Variants in ARRB2 observed in about 807,000 individuals in gnomAD.
The protein encoded by ARRB2 is arrestin beta 2.
In ARRB2, 21 loss-of-function variants were observed where a neutral mutation model predicts 53.4. The ratio of observed to expected loss-of-function variants is 0.39; its 90% CI spans 0.28 to 0.57. The LOEUF (loss-of-function observed/expected upper bound fraction) is 0.57. ARRB2 is among the 20% of genes least tolerant of loss of function. ARRB2 has a pLI of 0.55. For missense variants in ARRB2, 369 were observed against 527.5 expected (o/e 0.70, Z 2.94); for synonymous variants, 180 against 212.9 (o/e 0.85, Z 1.34).
At position 4,720,688 on chromosome 17, in the gene ARRB2, A is replaced by G. The variant is rs377695036; in HGVS notation, c.1136+48A>G. ...TGACCCTCTTGGGACAAAGATTCCT[A>G]TAACATTCAAATCTGCCCTCATACC... On this transcript the variant is annotated intron_variant, in intron 14 of 14. Transcript: ENST00000269260. The G allele has an allele frequency of 1.5e-4, 225 of 1,462,438 alleles. 2 individuals are homozygous for G. In the South Asian group the frequency reaches 2.9e-3, roughly 19 times the overall value. 90.6% of individuals were successfully genotyped at this position (1,462,438 alleles called of 1,614,324 possible).
intron 2 of ARRB2, 58 bp from the exon 3 acceptor site, chr17:4,715,915 C>A: frequency 6.2e-7 from 1 of 1,603,612 alleles, no homozygotes; most frequent in South Asian, 1.1e-5. Context: ...GTTTTGAGGG[C>A]TCCGATGCCC....
At position 4,715,010 on chromosome 17, in the gene ARRB2, T is replaced by C. The variant is rs757016197; in HGVS notation, c.24-3T>C. ...AGTGGGGTTTCCCTTTCTGTTTTGTTAGGGTCTTCAAGAAGTCGAGCCCTA... is the reference window on the plus strand; with the variant it reads ...AGTGGGGTTTCCCTTTCTGTTTTGTCAGGGTCTTCAAGAAGTCGAGCCCTA... On this transcript the variant is annotated splice_polypyrimidine_tract_variant and splice_region_variant and intron_variant, in intron 1 of 14. Coordinates refer to ENST00000269260, the MANE Select transcript of ARRB2 (RefSeq NM_004313.4). 1 of 1,601,720 alleles carries C rather than the reference T, an allele frequency of 6.2e-7. No homozygotes were observed. The highest frequency in any genetic ancestry group is 2.2e-5 in the East Asian group (1 of 44,616).
chr17:4,717,196 C>T lies in ARRB2; in HGVS notation c.358-21C>T, dbSNP rs771087981. On this transcript the variant is annotated intron_variant, in intron 5 of 14. Transcript: ENST00000269260. The surrounding 1 kb of genome is among the most constrained non-coding windows in gnomAD (Gnocchi z 6.0). ...GGGGGCTTTCTGGAAGAACTGAAGT[C>T]TTCTCCTTCCTCCGCCACAGATACC... 4 of 1,612,928 alleles carry T rather than the reference C, an allele frequency of 2.5e-6. No homozygotes were observed. The South Asian group carries it at 4.4e-5, about 18-fold the overall frequency.
At chr17:4,715,845 G>T in intron 2 of ARRB2, 128 bp from the exon 3 acceptor site, 1 of 1,083,896 alleles carries the variant, frequency 9.2e-7, no homozygotes, top group Non-Finnish European at 1.4e-6. Context: ...CTATTGGGAG[G>T]AAACCTGGAA....
intron 2 of ARRB2, 57 bp downstream of exon 2, chr17:4,715,100 C>G (rs1169138656): frequency 3.8e-6 from 6 of 1,571,934 alleles, no homozygotes; most frequent in Non-Finnish European, 5.2e-6. Flanking sequence ...CAAAGCCCAG[C>G]CTTCCCCTAG....
At chr17:4,718,106 T>C in intron 8 of ARRB2, 83 bp downstream of exon 8, 1 of 1,590,708 alleles carries the variant, frequency 6.3e-7, no homozygotes, top group Non-Finnish European at 8.5e-7. Flanking sequence ...AAGAGGACAT[T>C]TGTAAAGGAG....
rs746864167 is a variant in ARRB2 at position 4,720,270 on chromosome 17, C to G, written c.972C>G (p.Val324=). 1 of 1,613,904 alleles carries G rather than the reference C, an allele frequency of 6.2e-7. No individual in the cohort carries two copies. The highest frequency in any genetic ancestry group is 2.2e-5 in the East Asian group (1 of 44,858). ...EVLGILVSYR[V]KVKLVVSRGG... ...TGGGAATCCTGGTGTCCTACAGGGT[C>G]AAGGTGAAGCTGGTGGTGTCTCGAG... Residue 324 remains valine (V), a synonymous_variant, in exon 12 of 15, where the codon GTC becomes GTG. Transcript: ENST00000269260.
At chr17:4,713,656 G>A (rs1914658163) in intron 1 of ARRB2, among the ~76,000 whole-genome samples, 1 of 148,704 alleles carries the variant, frequency 6.7e-6, no homozygotes, top group Non-Finnish European at 1.5e-5. Flanking sequence ...CAGGCATGAT[G>A]GCAGGCACCT....
chr17:4,718,696 G>A lies in ARRB2; in HGVS notation c.779+12G>A, dbSNP rs1264178154. On this transcript the variant is annotated intron_variant, in intron 10 of 14. Transcript: ENST00000269260. ...CAACTCGAACAAGAGTGAGTATCGG[G>A]AGAGACCCATGTTCCAATCTAGGGG... is the stretch of plus-strand genomic sequence containing the variant. 1.2e-6 allele frequency: 2 copies of A among 1,612,154 alleles called. No homozygotes were observed. Among genetic ancestry groups the A allele is most frequent in the Non-Finnish European group, 8.5e-7 (1 of 1,178,974 alleles).
Position 4,716,040 on chromosome 17 carries a change from T to C in ARRB2, c.115+7T>C. 6.2e-7 allele frequency: 1 copy of C among 1,614,128 alleles called. No individual in the cohort carries two copies. Among genetic ancestry groups the C allele is most frequent in the Non-Finnish European group, 8.5e-7 (1 of 1,180,008 alleles). On this transcript the variant is annotated splice_region_variant and intron_variant, in intron 3 of 14. Transcript: ENST00000269260. The stretch of plus-strand genomic sequence containing the variant: ...GACAAAGTGGACCCTGTAGGTAAGT[T>C]TTCCCAGAAAGGGACAGCTCGTTCC...
chr17:4,720,209 A>G lies in ARRB2; in HGVS notation c.918-7A>G, dbSNP rs200999655. On this transcript the variant is annotated splice_region_variant and splice_polypyrimidine_tract_variant and intron_variant, in intron 11 of 14. Transcript: ENST00000269260. Reference sequence around the variant, plus strand: ...CCCTGGTCTGACTCCAACACCCTCAATTGCAGCGTGAAGGAGGGTGCCAAC... The same window carrying G: ...CCCTGGTCTGACTCCAACACCCTCAGTTGCAGCGTGAAGGAGGGTGCCAAC... 157 of 1,610,108 alleles carry G rather than the reference A, an allele frequency of 9.8e-5. No homozygotes were observed. The highest frequency in any genetic ancestry group is 1.3e-4 in the Non-Finnish European group (153 of 1,178,154).
chr17:4,718,668 G>A lies in ARRB2; in HGVS notation c.763G>A (p.Ala255Thr). The A allele has an allele frequency of 6.2e-7, 1 of 1,613,722 alleles. No individual in the cohort carries two copies. The highest frequency in any genetic ancestry group is 8.5e-7 in the Non-Finnish European group (1 of 1,179,954). ...FSTAQYKCPV[A>T]QLEQDDQVSP... Reference sequence around the variant, plus strand: ...CACCGCCCAGTACAAGTGTCCTGTGGCTCAACTCGAACAAGAGTGAGTATC... The same window carrying A: ...CACCGCCCAGTACAAGTGTCCTGTGACTCAACTCGAACAAGAGTGAGTATC... The change falls in exon 10 of 15, where the codon GCT becomes ACT. Residue 255 changes from alanine (A) to threonine (T), a missense_variant. Coordinates refer to ENST00000269260, the MANE Select transcript of ARRB2 (RefSeq NM_004313.4).
intron 5 of ARRB2, chr17:4,716,941 T>C (rs1463005830): frequency 6.8e-6 from 4 of 589,722 alleles, no homozygotes; most frequent in Non-Finnish European, 1.2e-5. Context: ...TTCAAGTGAT[T>C]CTTATGCCTC....
At position 4,717,199 on chromosome 17, in the gene ARRB2, C is replaced by T. The variant is rs779039167; in HGVS notation, c.358-18C>T. The T allele has an allele frequency of 5.0e-6, 8 of 1,613,314 alleles. No homozygotes were observed. In the South Asian group the frequency reaches 5.5e-5, roughly 11 times the overall value. ...GGCTTTCTGGAAGAACTGAAGTCTT[C>T]TCCTTCCTCCGCCACAGATACCCCA... On this transcript the variant is annotated intron_variant, in intron 5 of 14. Coordinates refer to ENST00000269260, the MANE Select transcript of ARRB2 (RefSeq NM_004313.4). The surrounding 1 kb of genome is among the most constrained non-coding windows in gnomAD (Gnocchi z 6.0).
chr17:4,716,533 A>T lies in ARRB2; in HGVS notation c.282A>T (p.Pro94=), dbSNP rs760582195. 1.0e-5 allele frequency: 7 copies of T among 696,954 alleles called. No homozygotes were observed. Among genetic ancestry groups the T allele is most frequent in the Non-Finnish European group, 1.5e-5 (7 of 476,760 alleles). 43.2% of individuals were successfully genotyped at this position (696,954 alleles called of 1,614,324 possible). A position where few individuals can be genotyped will look rare whatever the true frequency, so the allele number is the denominator to read the frequency against. The part of the protein sequence containing the change: ...TYQAFPPVPN[P]PRPPTRLQDR... ...AGGCCTTCCCCCCGGTGCCCAACCC[A>T]CCCCGGCCCCCCACCCGCCTGCAGG... Residue 94 remains proline, a synonymous_variant, in exon 5 of 15, where the codon CCA becomes CCT. Transcript: ENST00000269260.
At position 4,716,548 on chromosome 17, in the gene ARRB2, C is replaced by T. The variant is rs1307375799; in HGVS notation, c.297C>T (p.Thr99=). ...PPVPNPPRPP[T]RLQDRLLRKL... is the part of the protein sequence containing the mutation. ...TGCCCAACCCACCCCGGCCCCCCAC[C>T]CGCCTGCAGGACCGGCTGCTGAGGA... Residue 99 remains threonine, a synonymous_variant, in exon 5 of 15, where the codon ACC becomes ACT. Transcript: ENST00000269260. 6.3e-7 allele frequency: 1 copy of T among 1,595,186 alleles called. No individual in the cohort carries two copies. Among genetic ancestry groups the T allele is most frequent in the Non-Finnish European group, 8.5e-7 (1 of 1,171,842 alleles).
intron 5 of ARRB2, 77 bp downstream of exon 5, chr17:4,716,685 G>A: frequency 6.6e-7 from 1 of 1,512,700 alleles, no homozygotes. Flanking sequence ...AGGCACTGCT[G>A]TGGGCAGATC....
At chr17:4,715,486 G>GACAC (rs751919519) in intron 2 of ARRB2, 12,868 of 133,388 alleles carry the variant, frequency 0.096, 805 homozygotes, top group East Asian at 0.18. Flanking sequence ...CACACACACA[G>GACAC]ACACACACAC....
chr17:4,710,880 G>A (rs974567831), intron 1 of ARRB2, 136 bp downstream of exon 1: 2 of 395,226 alleles, frequency 5.1e-6, no homozygotes, highest in African/African-American at 2.1e-5. Context: ...ATCCGGGGCC[G>A]CACGCGCAGG....
Sources: gnomAD v4.1 joint callset for allele counts (sites outside exome capture counted in the v4.1 genomes callset) on GRCh38, gnomAD v4.1.1 for gene constraint, Gnocchi (gnomAD v3.1) non-coding constraint, MANE v1.5 for transcripts, NCBI Gene and HGNC (gene_info 2026-07-23, HGNC 2026-07-21) for gene names.